Variants in TMEM132D observed in about 807,000 individuals in gnomAD.
TMEM132D encodes mature OL transmembrane protein.
TMEM132D carries 21 observed loss-of-function variants against 62.3 expected under a neutral mutation model. The ratio of observed to expected loss-of-function variants is 0.34; its 90% CI spans 0.24 to 0.49. The LOEUF (loss-of-function observed/expected upper bound fraction) is 0.49. Among genes scored for constraint, TMEM132D ranks in the 20% least tolerant of loss-of-function variants. The pLI is 0.99. For missense variants in TMEM132D, 1,346 were observed against 1,402.8 expected (o/e 0.96, Z 0.65); for synonymous variants, 621 against 575.6 (o/e 1.08, Z -1.13).
intron 2 of TMEM132D, among the ~76,000 whole-genome samples, chr12:129,581,760 C>T (rs1271542133): frequency 9.8e-5 from 15 of 152,314 alleles, no homozygotes; most frequent in Admixed American, 7.8e-4. Flanking sequence ...ATGTCAATCT[C>T]CTTTGGTAAT....
At chr12:129,481,779 A>C (rs760142093) in intron 3 of TMEM132D, among the ~76,000 whole-genome samples, 5 of 152,074 alleles carry the variant, frequency 3.3e-5, no homozygotes, top group Non-Finnish European at 7.4e-5. Flanking sequence ...TTAAAACTGC[A>C]CATATCCTGG....
At chr12:129,199,635 G>T (rs1389269381) in intron 5 of TMEM132D, among the ~76,000 whole-genome samples, 2 of 152,164 alleles carry the variant, frequency 1.3e-5, no homozygotes, top group East Asian at 3.9e-4. Flanking sequence ...TAATGAAAAA[G>T]AGGTTTAATG....
intron 3 of TMEM132D, among the ~76,000 whole-genome samples, chr12:129,367,677 T>C (rs1399200878): frequency 6.6e-6 from 1 of 152,022 alleles, no homozygotes; most frequent in Non-Finnish European, 1.5e-5. Flanking sequence ...GGACATAATT[T>C]GAATACTTGG....
intron 3 of TMEM132D, among the ~76,000 whole-genome samples, chr12:129,470,897 A>C (rs1566080431): frequency 6.6e-6 from 1 of 152,142 alleles, no homozygotes. Context: ...AATAACCACA[A>C]AAGTTGGTCT....
chr12:129,528,306 G>T (rs1464953466), intron 3 of TMEM132D, among the ~76,000 whole-genome samples: 1 of 151,940 alleles, frequency 6.6e-6, no homozygotes, highest in Non-Finnish European at 1.5e-5. Flanking sequence ...TTCTCCAAAG[G>T]CAGAAGTAAA....
intron 3 of TMEM132D, among the ~76,000 whole-genome samples, chr12:129,484,095 G>T (rs1213323727): frequency 1.3e-5 from 2 of 152,028 alleles, no homozygotes; most frequent in Non-Finnish European, 2.9e-5. Flanking sequence ...TCAGCCTCCT[G>T]AGTAGCTGGG....
intron 3 of TMEM132D, among the ~76,000 whole-genome samples, chr12:129,490,742 G>A (rs996419145): frequency 1.3e-5 from 2 of 150,750 alleles, no homozygotes; most frequent in Admixed American, 6.6e-5. Flanking sequence ...CGTGAGCCAC[G>A]GCGCCCGGCC....
At chr12:129,725,668 G>A (rs1175170028) in intron 1 of TMEM132D, among the ~76,000 whole-genome samples, 3 of 152,328 alleles carry the variant, frequency 2.0e-5, no homozygotes, top group Admixed American at 6.5e-5. Flanking sequence ...CACATAACAG[G>A]CAATAGTAAG....
intron 1 of TMEM132D, among the ~76,000 whole-genome samples, chr12:129,837,146 A>G (rs972479043): frequency 6.6e-6 from 1 of 152,258 alleles, no homozygotes; most frequent in Non-Finnish European, 1.5e-5. Flanking sequence ...TAATCCAGGC[A>G]GTAACATATG....
chr12:129,683,462 T>C (rs1880834660), intron 2 of TMEM132D, among the ~76,000 whole-genome samples: 1 of 152,214 alleles, frequency 6.6e-6, no homozygotes, highest in Non-Finnish European at 1.5e-5. Flanking sequence ...TGGCTATCAT[T>C]ATTGCATTGA....
chr12:129,564,253 C>T (rs532002573), intron 2 of TMEM132D, among the ~76,000 whole-genome samples: 1 of 152,272 alleles, frequency 6.6e-6, no homozygotes, highest in African/African-American at 2.4e-5. Context: ...CTTGACTTGT[C>T]AAGTCTATTA....
rs576864405 is a variant in TMEM132D at position 129,714,615 on chromosome 12, C to G, written c.80-13917G>C. ...CTTGCCATCTGCTAAAGTATCAGAT[C>G]ATAATAATCAGCTTGATTTTGGTAA... On this transcript the variant is annotated intron_variant, in intron 1 of 8. Coordinates refer to ENST00000422113, the MANE Select transcript of TMEM132D (RefSeq NM_133448.3). 3.3e-5 allele frequency among the ~76,000 whole-genome samples: 5 copies of G among 152,282 alleles called. No individual in the cohort carries two copies. In the South Asian group the frequency reaches 1.0e-3, roughly 32 times the overall value.
chr12:129,864,738 C>T (rs926793929), intron 1 of TMEM132D, among the ~76,000 whole-genome samples: 3 of 152,200 alleles, frequency 2.0e-5, no homozygotes, highest in Non-Finnish European at 4.4e-5. Context: ...CCCCTTGCCA[C>T]CTGCATTGTT....
rs565442661 is a variant in TMEM132D, at chr12:129,336,566, C to T, written c.1299+1068G>A. On this transcript the variant is annotated intron_variant, in intron 4 of 8. Coordinates refer to ENST00000422113, the MANE Select transcript of TMEM132D (RefSeq NM_133448.3). ...CAGCCTGGGCAACAGACTGGCACTC[C>T]GTCAAAAAGAAAAAAAAAAGAACAT... 4.1e-5 allele frequency among the ~76,000 whole-genome samples: 6 copies of T among 146,142 alleles called. No individual in the cohort carries two copies. The South Asian group carries it at 8.4e-4, about 20-fold the overall frequency.
rs771971195 is a variant in TMEM132D, at chr12:129,700,430, T to C, written c.348A>G (p.Pro116=). 1.9e-6 allele frequency: 3 copies of C among 1,614,120 alleles called. No homozygotes were observed. The South Asian group carries it at 3.3e-5, about 18-fold the overall frequency. Residue 116 remains proline, a synonymous_variant, in exon 2 of 9, where the codon CCA becomes CCG. Transcript: ENST00000422113. ...GAGAAAATTTGTTGGTGAATCCAAA[T>C]GGGTTGGAAGGTAGCATTAAATCCT... is the stretch of plus-strand genomic sequence containing the variant. The part of the protein sequence containing the change: ...VPQDLMLPSN[P]FGFTNKFSLN...
At chr12:129,394,310 A>G (rs1357024170) in intron 3 of TMEM132D, among the ~76,000 whole-genome samples, 1 of 152,202 alleles carries the variant, frequency 6.6e-6, no homozygotes. Context: ...AGAGCTGGGA[A>G]TACAAACCCT....
chr12:129,325,445 A>T (rs1345134730), intron 4 of TMEM132D, among the ~76,000 whole-genome samples: 1 of 152,150 alleles, frequency 6.6e-6, no homozygotes, highest in East Asian at 1.9e-4. Flanking sequence ...TCACCCTAAA[A>T]CATAAGCCTG....
intron 4 of TMEM132D, among the ~76,000 whole-genome samples, chr12:129,272,891 T>C (rs188491381): frequency 6.6e-6 from 1 of 151,744 alleles, no homozygotes; most frequent in Admixed American, 6.6e-5. Context: ...TGAAACCCCA[T>C]CTCTACTAAA....
intron 4 of TMEM132D, among the ~76,000 whole-genome samples, chr12:129,280,467 T>C (rs564682304): frequency 1.1e-4 from 16 of 152,336 alleles, no homozygotes; most frequent in Non-Finnish European, 1.9e-4. Context: ...ATTTGCTTTT[T>C]TCCAAAACAA....
Sources: allele counts gnomAD v4.1 joint callset (sites outside exome capture counted in the v4.1 genomes callset), GRCh38; gene constraint gnomAD v4.1.1; transcripts MANE v1.5; gene names NCBI Gene and HGNC (gene_info 2026-07-23, HGNC 2026-07-21).